Variants in PCSK5 observed in about 807,000 individuals in gnomAD.
The protein encoded by PCSK5 is prohormone convertase 5.
A neutral mutation model predicts 233.2 loss-of-function variants in PCSK5; 129 were observed. The observed-to-expected ratio is 0.55, with a 90% CI of 0.48 to 0.64. The LOEUF (loss-of-function observed/expected upper bound fraction) is 0.64. Among genes scored for constraint, PCSK5 ranks in the 30% least tolerant of loss-of-function variants. The probability of loss-of-function intolerance (pLI) is 0.00; values close to 1 mark genes in which losing one functional copy is unlikely to be tolerated. For synonymous variants in PCSK5, 825 were observed against 879.2 expected (o/e 0.94, Z 1.09); for missense variants, 2,076 against 2,430.1 (o/e 0.85, Z 3.06).
intron 24 of PCSK5, among the ~76,000 whole-genome samples, chr9:76,275,676 C>T (rs1287080197): frequency 1.3e-5 from 2 of 152,168 alleles, no homozygotes; most frequent in African/African-American, 2.4e-5. Flanking sequence ...CCACCTGCCT[C>T]GGCCTCCCAA....
intron 1 of PCSK5, among the ~76,000 whole-genome samples, chr9:75,905,481 C>T (rs1826223925): frequency 6.6e-6 from 1 of 152,236 alleles, no homozygotes; most frequent in Admixed American, 6.5e-5. Flanking sequence ...GGTGCCACTG[C>T]ATTCCAGCCT....
chr9:76,210,405 C>T (rs888187133), intron 20 of PCSK5, among the ~76,000 whole-genome samples: 4 of 152,160 alleles, frequency 2.6e-5, no homozygotes, highest in Admixed American at 6.5e-5. Context: ...CCTCTTCTGG[C>T]CTGCCATGTG....
chr9:75,999,708 T>C (rs886722941), intron 3 of PCSK5, among the ~76,000 whole-genome samples: 22 of 152,248 alleles, frequency 1.4e-4, no homozygotes, highest in Admixed American at 5.2e-4. Context: ...ATTATGAACA[T>C]GTCACAGTGC....
chr9:75,927,807 G>A (rs1207523402), intron 1 of PCSK5, among the ~76,000 whole-genome samples: 1 of 152,078 alleles, frequency 6.6e-6, no homozygotes. Context: ...CAAAAACTTC[G>A]GTGATTATTT....
chr9:76,175,288 AATC>A lies in PCSK5; in HGVS notation c.1900+160_1900+162del, dbSNP rs751048134. The A allele has an allele frequency of 7.9e-3, 4,879 of 621,354 alleles. 207 individuals are homozygous for A. In the East Asian group the frequency reaches 0.1, roughly 13 times the overall value. The allele number at this position is 621,354 out of a possible 1,614,324, so 38.5% of individuals were successfully genotyped here. A position where few individuals can be genotyped will look rare whatever the true frequency, so the allele number is the denominator to read the frequency against. On this transcript the variant is annotated intron_variant, in intron 14 of 37. Transcript: ENST00000674117. Reference sequence around the variant, plus strand: ...AATGGAATGGAATCGAATCGAATCGAATCGAATAGAATAGAATAGAATAGAACA... The same window carrying A: ...AATGGAATGGAATCGAATCGAATCGAGAATAGAATAGAATAGAATAGAACA...
At chr9:76,239,615 G>C (rs1014282269) in intron 23 of PCSK5, among the ~76,000 whole-genome samples, 14 of 149,634 alleles carry the variant, frequency 9.4e-5, no homozygotes, top group Non-Finnish European at 1.5e-5. Flanking sequence ...AGAATGGCTT[G>C]AACCCAGGAG....
At chr9:76,231,803 A>C (rs1826095060) in intron 21 of PCSK5, among the ~76,000 whole-genome samples, 2 of 152,194 alleles carry the variant, frequency 1.3e-5, no homozygotes, top group Admixed American at 1.3e-4. Context: ...CTGTTTTGAC[A>C]TGGACAGCCA....
rs536195825 is a variant in PCSK5 at position 76,159,258 on chromosome 9, A to G, written c.1619+87A>G. 5 of 1,246,454 alleles carry G rather than the reference A, an allele frequency of 4.0e-6. No individual in the cohort carries two copies. In the East Asian group the frequency reaches 1.2e-4, roughly 31 times the overall value. 77.2% of individuals were successfully genotyped at this position (1,246,454 alleles called of 1,614,324 possible). On this transcript the variant is annotated intron_variant, in intron 12 of 37. Coordinates refer to ENST00000674117, the MANE Select transcript of PCSK5 (RefSeq NM_001372043.1). ...GTAGAAGGGAACAGCTGCTGCTTTC[A>G]CCTAACCTGGGAACCAGCAGAGGGG...
intron 30 of PCSK5, among the ~76,000 whole-genome samples, chr9:76,315,914 G>A (rs1251299415): frequency 2.1e-5 from 3 of 143,182 alleles, no homozygotes; most frequent in Admixed American, 2.1e-4. Context: ...TTACAGGCAT[G>A]AGCCACTTCA....
intron 24 of PCSK5, among the ~76,000 whole-genome samples, chr9:76,261,397 A>G (rs529576848): frequency 3.9e-5 from 6 of 152,316 alleles, no homozygotes; most frequent in Admixed American, 2.6e-4. Context: ...AAAAGGCTCT[A>G]AGAACTGAAA....
chr9:76,047,918 A>C (rs533741236), intron 5 of PCSK5, among the ~76,000 whole-genome samples: 2 of 152,322 alleles, frequency 1.3e-5, no homozygotes, highest in South Asian at 2.1e-4. Flanking sequence ...CTGTAATATT[A>C]TAAAATTTGA....
At chr9:76,220,165 C>G (rs1192671359) in intron 20 of PCSK5, among the ~76,000 whole-genome samples, 1 of 152,212 alleles carries the variant, frequency 6.6e-6, no homozygotes, top group African/African-American at 2.4e-5. Context: ...CAACGTTTTT[C>G]ATGATTTTCC....
chr9:75,961,679 C>T (rs1334399702), intron 2 of PCSK5, among the ~76,000 whole-genome samples: 1 of 152,154 alleles, frequency 6.6e-6, no homozygotes, highest in Non-Finnish European at 1.5e-5. Flanking sequence ...GAAAACTTGG[C>T]ATCCAAACTG....
At chr9:76,273,922 G>T in intron 24 of PCSK5, among the ~76,000 whole-genome samples, 1 of 148,832 alleles carries the variant, frequency 6.7e-6, no homozygotes. Flanking sequence ...TGCTGTGATT[G>T]CCAGCATGAG....
intron 10 of PCSK5, among the ~76,000 whole-genome samples, chr9:76,153,556 G>A (rs1823761508): frequency 6.6e-6 from 1 of 152,170 alleles, no homozygotes; most frequent in African/African-American, 2.4e-5. Context: ...TGTGAGAAAT[G>A]TGCATAAATA....
chr9:76,310,554 T>A (rs777246646), intron 29 of PCSK5, 102 bp from the exon 30 acceptor site: 1 of 662,306 alleles, frequency 1.5e-6, no homozygotes, highest in Non-Finnish European at 2.4e-6. Context: ...CTGAAATAAG[T>A]GCCTGGATAC....
At chr9:76,215,724 T>A (rs1284783082) in intron 20 of PCSK5, among the ~76,000 whole-genome samples, 1 of 152,072 alleles carries the variant, frequency 6.6e-6, no homozygotes, top group Non-Finnish European at 1.5e-5. Flanking sequence ...AAGGATCACC[T>A]GGGGTCAGGA....
chr9:75,928,078 A>G (rs1823579631), intron 1 of PCSK5, among the ~76,000 whole-genome samples: 1 of 152,204 alleles, frequency 6.6e-6, no homozygotes, highest in Non-Finnish European at 1.5e-5. Context: ...AAGAGATGAC[A>G]TTCATTGACT....
At chr9:76,154,073 T>G (rs1469960710) in intron 10 of PCSK5, among the ~76,000 whole-genome samples, 1 of 152,146 alleles carries the variant, frequency 6.6e-6, no homozygotes, top group Admixed American at 6.5e-5. Context: ...TTTGAGGGAG[T>G]TCCTCTGCCC....
Sources: gnomAD v4.1 joint callset for allele counts (sites outside exome capture counted in the v4.1 genomes callset) on GRCh38, gnomAD v4.1.1 for gene constraint, MANE v1.5 for transcripts, NCBI Gene and HGNC (gene_info 2026-07-23, HGNC 2026-07-21) for gene names.